NUMB: variants seen among roughly 807,000 people sequenced by gnomAD.
NUMB encodes NUMB endocytic adaptor protein.
NUMB carries 29 observed loss-of-function variants against 59.7 expected under a neutral mutation model. The observed-to-expected ratio is 0.49, with a 90% CI of 0.36 to 0.66. NUMB has a LOEUF of 0.66. Among genes scored for constraint, NUMB ranks in the 30% least tolerant of loss-of-function variants. The pLI, the probability that NUMB is intolerant of heterozygous loss-of-function variation, is 0.00. For synonymous variants in NUMB, 288 were observed against 288.2 expected (o/e 1.00, Z 0.01); for missense variants, 723 against 822.0 (o/e 0.88, Z 1.47).
At chr14:73,373,760 G>A (rs1894815373) in intron 2 of NUMB, among the ~76,000 whole-genome samples, 1 of 146,848 alleles carries the variant, frequency 6.8e-6, no homozygotes, top group Admixed American at 6.9e-5. Context: ...CTAGGATGCA[G>A]TGCAGGATCA....
chr14:73,282,257 C>T, intron 11 of NUMB, 102 bp downstream of exon 11: 18 of 1,136,462 alleles, frequency 1.6e-5, no homozygotes, highest in African/African-American at 3.1e-5. Flanking sequence ...ATGGGTCTGA[C>T]CAGGCCTTGG....
chr14:73,357,109 C>T (rs1018464693), intron 3 of NUMB: 4 of 651,656 alleles, frequency 6.1e-6, no homozygotes, highest in African/African-American at 2.0e-5. Context: ...AACTCTGTAA[C>T]TAAAAAGTGT....
chr14:73,375,215 A>C (rs1894892403), intron 2 of NUMB, among the ~76,000 whole-genome samples: 1 of 152,216 alleles, frequency 6.6e-6, no homozygotes, highest in Non-Finnish European at 1.5e-5. Context: ...AGTCCTAAAA[A>C]ATTGAGTTTG....
chr14:73,355,792 TA>T, intron 3 of NUMB, 26 bp from the exon 4 acceptor site: 1 of 1,541,706 alleles, frequency 6.5e-7, no homozygotes. Context: ...AAAAAATATT[TA>T]AAAGAAATAT....
chr14:73,455,310 C>G (rs1342609170), intron 1 of NUMB, among the ~76,000 whole-genome samples: 3 of 152,132 alleles, frequency 2.0e-5, no homozygotes, highest in South Asian at 4.1e-4. Context: ...ATACTGCTTC[C>G]TGTTCTTAAC....
intron 5 of NUMB, among the ~76,000 whole-genome samples, chr14:73,319,262 C>A (rs1291533698): frequency 6.6e-6 from 1 of 151,356 alleles, no homozygotes; most frequent in African/African-American, 2.4e-5. Flanking sequence ...AACTCCACTC[C>A]AAAAAAAATG....
chr14:73,291,926 C>T (rs1396013033), intron 8 of NUMB, among the ~76,000 whole-genome samples: 2 of 148,008 alleles, frequency 1.4e-5, no homozygotes, highest in African/African-American at 2.5e-5. Context: ...CCTCGTGATC[C>T]GCCTGCCTCG....
chr14:73,395,069 G>GTA (rs1896062395), intron 2 of NUMB, among the ~76,000 whole-genome samples: 2 of 144,562 alleles, frequency 1.4e-5, no homozygotes, highest in South Asian at 2.1e-4. Flanking sequence ...GTGTGTGTGT[G>GTA]TGTGTGTGTG....
At chr14:73,347,128 G>T (rs1032528994) in intron 4 of NUMB, among the ~76,000 whole-genome samples, 1 of 152,046 alleles carries the variant, frequency 6.6e-6, no homozygotes, top group African/African-American at 2.4e-5. Flanking sequence ...AAGTAGCTGA[G>T]ACTTATTCAC....
chr14:73,435,790 T>C (rs1016070710), intron 1 of NUMB, among the ~76,000 whole-genome samples: 12 of 151,800 alleles, frequency 7.9e-5, no homozygotes, highest in Admixed American at 3.9e-4. Flanking sequence ...GCAGATCACT[T>C]GAGGTCAGGA....
chr14:73,397,943 G>A (rs1443667902), intron 2 of NUMB, among the ~76,000 whole-genome samples: 1 of 152,172 alleles, frequency 6.6e-6, no homozygotes, highest in Non-Finnish European at 1.5e-5. Context: ...GAATGGTAAA[G>A]GCCCAGCTGA....
chr14:73,406,314 A>C (rs1279598113), intron 2 of NUMB, among the ~76,000 whole-genome samples: 1 of 132,506 alleles, frequency 7.5e-6, no homozygotes, highest in African/African-American at 2.9e-5. Context: ...CTCATTGTTC[A>C]ATTCCCACCT....
intron 6 of NUMB, among the ~76,000 whole-genome samples, chr14:73,313,548 A>C (rs992235857): frequency 2.0e-5 from 3 of 150,410 alleles, no homozygotes; most frequent in African/African-American, 7.3e-5. Flanking sequence ...AAAGTATTGT[A>C]TAAAATTATC....
In NUMB at chr14:73,452,833, T is replaced by C. The variant is rs191932434; in HGVS notation, c.-233+5660A>G. 2.0e-5 allele frequency among the ~76,000 whole-genome samples: 3 copies of C among 152,334 alleles called. No individual in the cohort carries two copies. In the East Asian group the frequency reaches 5.8e-4, roughly 29 times the overall value. ...GACTACCACTTCTCAGTCTACTTAC[T>C]TGTCTTCTGACATGCTTTCTTGAGG... is the stretch of plus-strand genomic sequence containing the variant. On this transcript the variant is annotated intron_variant, in intron 1 of 12. Transcript: ENST00000555238.
intron 11 of NUMB, among the ~76,000 whole-genome samples, chr14:73,281,693 C>A (rs762970445): frequency 3.9e-5 from 6 of 152,192 alleles, no homozygotes; most frequent in Non-Finnish European, 7.3e-5. Context: ...GCCACAAAGG[C>A]AAATTTTAAG....
At chr14:73,282,052 G>A (rs1016088666) in intron 11 of NUMB, among the ~76,000 whole-genome samples, 4 of 152,172 alleles carry the variant, frequency 2.6e-5, no homozygotes, top group African/African-American at 7.2e-5. Context: ...TGGGAAACTG[G>A]ATGGGTATGC....
intron 1 of NUMB, among the ~76,000 whole-genome samples, chr14:73,443,457 T>G (rs921821669): frequency 6.6e-6 from 1 of 151,582 alleles, no homozygotes; most frequent in African/African-American, 2.4e-5. Flanking sequence ...TAGCCAGGCG[T>G]GGTGGCGCAC....
At chr14:73,367,649 C>T (rs1415096964) in intron 2 of NUMB, among the ~76,000 whole-genome samples, 1 of 151,762 alleles carries the variant, frequency 6.6e-6, no homozygotes, top group African/African-American at 2.4e-5. Context: ...GTGACATGCA[C>T]CTGTGGTCCC....
At chr14:73,429,422 A>T (rs1410450111) in intron 1 of NUMB, among the ~76,000 whole-genome samples, 1 of 152,122 alleles carries the variant, frequency 6.6e-6, no homozygotes, top group African/African-American at 2.4e-5. Context: ...GTTCCAAAAT[A>T]CCACAAAAAT....
Sources: allele counts gnomAD v4.1 joint callset (sites outside exome capture counted in the v4.1 genomes callset), GRCh38; gene constraint gnomAD v4.1.1; transcripts MANE v1.5; gene names NCBI Gene and HGNC (gene_info 2026-07-23, HGNC 2026-07-21).